Variants in RECQL5 observed in about 807,000 individuals in gnomAD.
The protein encoded by RECQL5 is RecQ like helicase 5.
Under a neutral mutation model 103.4 loss-of-function variants are expected in RECQL5, and 88 were observed. That is an observed-to-expected ratio of 0.85 (90% CI 0.72 to 1.02). RECQL5 has a LOEUF of 1.02. RECQL5 is among the 50% of genes least tolerant of loss of function. The probability of loss-of-function intolerance (pLI) is 0.00; values close to 1 mark genes in which losing one functional copy is unlikely to be tolerated. For synonymous variants in RECQL5, 552 were observed against 507.9 expected, an observed-to-expected ratio of 1.09 and a Z score of -1.17; for missense variants, 1,232 against 1,284.3, an observed-to-expected ratio of 0.96 and a Z score of 0.62.
chr17:75,654,039 AC>A (rs983045942), intron 7 of RECQL5, among the ~76,000 whole-genome samples: 1 of 152,168 alleles, frequency 6.6e-6, no homozygotes, highest in Non-Finnish European at 1.5e-5. Flanking sequence ...CAGATTCTGT[AC>A]CCCCAACTTC....
chr17:75,649,904 G>C, intron 8 of RECQL5: 1 of 985,556 alleles, frequency 1.0e-6, no homozygotes, highest in Non-Finnish European at 1.2e-6. Flanking sequence ...CCAGCTCCCC[G>C]GAAGGTGACA....
chr17:75,655,564 C>A (rs973248709), intron 7 of RECQL5, among the ~76,000 whole-genome samples: 1 of 152,126 alleles, frequency 6.6e-6, no homozygotes, highest in Non-Finnish European at 1.5e-5. Context: ...TGGGGTTTCA[C>A]CATGTTAGCC....
At chr17:75,664,715 C>A (rs773870316) in intron 3 of RECQL5, among the ~76,000 whole-genome samples, 1 of 151,820 alleles carries the variant, frequency 6.6e-6, no homozygotes, top group Non-Finnish European at 1.5e-5. Flanking sequence ...GAGTTTGAGA[C>A]CAGCCTGGCC....
intron 7 of RECQL5, among the ~76,000 whole-genome samples, chr17:75,656,213 A>AC (rs774411218): frequency 3.6e-4 from 55 of 152,060 alleles, no homozygotes; most frequent in Non-Finnish European, 6.5e-4. Flanking sequence ...AGTAGCTGGG[A>AC]TTACAGGCAT....
intron 14 of RECQL5, 98 bp from the exon 15 acceptor site, chr17:75,629,940 C>T: frequency 6.8e-7 from 1 of 1,466,146 alleles, no homozygotes; most frequent in Non-Finnish European, 9.1e-7. Context: ...AAGTGGGTTT[C>T]TGTGGCCAGT....
At chr17:75,658,667 AG>A (rs958455689) in intron 6 of RECQL5, among the ~76,000 whole-genome samples, 1 of 152,132 alleles carries the variant, frequency 6.6e-6, no homozygotes, top group Admixed American at 6.6e-5. Flanking sequence ...GCAGGAGTTA[AG>A]GGGGGGCAAA....
Position 75,658,321 on chromosome 17 carries a change from T to G in RECQL5, c.1126A>C (p.Arg376=). Residue 376 remains arginine, a synonymous_variant, in exon 7 of 20, where the codon AGG becomes CGG. Transcript: ENST00000317905. Reference sequence around the variant, plus strand: ...ACCTGGAGTTTTGCTACTTCCTTCCTGATCAGGAAGCTGACTTGGTCCCGG... The same window carrying G: ...ACCTGGAGTTTTGCTACTTCCTTCCGGATCAGGAAGCTGACTTGGTCCCGG... The part of the protein sequence containing the change: ...NDRDQVSFLI[R]KEVAKLQEKR... 6.2e-7 allele frequency: 1 copy of G among 1,613,868 alleles called. No homozygotes were observed. The highest frequency in any genetic ancestry group is 1.1e-5 in the South Asian group (1 of 91,074).
At chr17:75,662,351 T>G in intron 4 of RECQL5, 128 bp downstream of exon 4, 2 of 1,035,128 alleles carry the variant, frequency 1.9e-6, no homozygotes, top group Non-Finnish European at 2.8e-6. Context: ...CAACTCTTTT[T>G]GTGCACAAGT....
chr17:75,647,443 G>C, intron 8 of RECQL5: 1 of 1,550,146 alleles, frequency 6.5e-7, no homozygotes, highest in Non-Finnish European at 8.7e-7. Flanking sequence ...CTGGGACCAG[G>C]GGGGCCTGGC....
chr17:75,647,863 G>A (rs1369904622), intron 8 of RECQL5: 2 of 306,866 alleles, frequency 6.5e-6, no homozygotes, highest in African/African-American at 4.3e-5. Flanking sequence ...GGTGGAAGGA[G>A]CTATGGCTAA....
intron 5 of RECQL5, among the ~76,000 whole-genome samples, chr17:75,661,357 G>A (rs2059696659): frequency 6.6e-6 from 1 of 152,176 alleles, no homozygotes; most frequent in Admixed American, 6.5e-5. Context: ...CATTACCTTG[G>A]CTTGTAAAAA....
intron 7 of RECQL5, among the ~76,000 whole-genome samples, chr17:75,657,860 C>T (rs957952856): frequency 6.6e-6 from 1 of 151,246 alleles, no homozygotes; most frequent in Non-Finnish European, 1.5e-5. Context: ...CCATCCTGGC[C>T]AACATGGTGA....
intron 8 of RECQL5, chr17:75,639,968 C>T (rs937164558): frequency 2.5e-5 from 13 of 522,628 alleles, no homozygotes; most frequent in South Asian, 2.9e-5. Flanking sequence ...CTGTCCTCAC[C>T]GGCTTCCTCC....
intron 8 of RECQL5, chr17:75,650,403 G>A: frequency 4.1e-6 from 5 of 1,229,552 alleles, no homozygotes; most frequent in Non-Finnish European, 5.1e-6. Context: ...AAACCAAGAT[G>A]GCCCAGGTGT....
At chr17:75,658,274 G>A (rs1186483082) in intron 7 of RECQL5, 24 bp downstream of exon 7, 2 of 1,606,778 alleles carry the variant, frequency 1.2e-6, no homozygotes, top group South Asian at 1.1e-5. Context: ...CAGACTGAAA[G>A]ACCTTCTACT....
chr17:75,634,796 C>T (rs550599305), intron 8 of RECQL5, among the ~76,000 whole-genome samples: 23 of 152,242 alleles, frequency 1.5e-4, no homozygotes, highest in Non-Finnish European at 2.8e-4. Context: ...GGTGATGAGC[C>T]TTGAACACCA....
Position 75,663,951 on chromosome 17 carries a change from G to A in RECQL5, c.253-954C>T, listed in dbSNP as rs184257694. On this transcript the variant is annotated intron_variant, in intron 3 of 19. Transcript: ENST00000317905. ...TGCCTGTAATCCCAGCTACTCGGGG[G>A]ACTGAGGCAGGAGAACTGCTTGAAC... 3.5e-4 allele frequency among the ~76,000 whole-genome samples: 52 copies of A among 150,350 alleles called. No individual in the cohort carries two copies. In the East Asian group the frequency reaches 7.3e-3, roughly 21 times the overall value.
At chr17:75,658,194 GCCT>G in intron 7 of RECQL5, 101 bp downstream of exon 7, 1 of 1,295,066 alleles carries the variant, frequency 7.7e-7, no homozygotes, top group Non-Finnish European at 1.1e-6. Context: ...GTTGGGAGCA[GCCT>G]CCTCTAGCTT....
Position 75,640,319 on chromosome 17 carries a change from C to CTT in RECQL5, c.1230-8653_1230-8652dup, listed in dbSNP as rs1229068650. 3.9e-6 allele frequency: 6 copies of CTT among 1,548,180 alleles called. No homozygotes were observed. The Admixed American group carries it at 1.2e-4, about 31-fold the overall frequency. On this transcript the variant is annotated intron_variant, in intron 8 of 19. Coordinates refer to ENST00000317905, the MANE Select transcript of RECQL5 (RefSeq NM_004259.7). The surrounding 1 kb of genome is among the most constrained non-coding windows in gnomAD (Gnocchi z 4.6). ...GATCGTGGCCTTCTCAGTCATCATC[C>CTT]TTTTCACAGGTTAGTTGGGGCACTC... is the stretch of plus-strand genomic sequence containing the variant.
Sources: gnomAD v4.1 joint callset for allele counts (sites outside exome capture counted in the v4.1 genomes callset) on GRCh38, gnomAD v4.1.1 for gene constraint, Gnocchi (gnomAD v3.1) non-coding constraint, MANE v1.5 for transcripts, NCBI Gene and HGNC (gene_info 2026-07-23, HGNC 2026-07-21) for gene names.